Variants in NHSL1 observed in about 807,000 individuals in gnomAD.
The protein encoded by NHSL1 is NHS like 1, also known as NHS-like protein 1.
Under a neutral mutation model 95.0 loss-of-function variants are expected in NHSL1, and 48 were observed. The ratio of observed to expected loss-of-function variants is 0.51; its 90% CI spans 0.40 to 0.64. The LOEUF (loss-of-function observed/expected upper bound fraction) is 0.64. Among genes scored for constraint, NHSL1 ranks in the 30% least tolerant of loss-of-function variants. NHSL1 has a pLI of 0.00. For synonymous variants in NHSL1, 783 were observed against 833.9 expected (o/e 0.94, Z 1.05); for missense variants, 1,971 against 2,077.7 (o/e 0.95, Z 1.00).
intron 1 of NHSL1, among the ~76,000 whole-genome samples, chr6:138,642,740 G>T (rs755869434): frequency 6.6e-6 from 1 of 152,068 alleles, no homozygotes; most frequent in Non-Finnish European, 1.5e-5. Context: ...CAGTGAAGAG[G>T]GCGAGCAGCA....
chr6:138,463,606 T>C (rs1778144440), intron 3 of NHSL1, among the ~76,000 whole-genome samples: 2 of 151,844 alleles, frequency 1.3e-5, no homozygotes, highest in Admixed American at 6.6e-5. Context: ...ACATGTGCCA[T>C]GGTGGTTTGC....
At position 138,429,778 on chromosome 6, in the gene NHSL1, C is replaced by A. The variant is rs79394175; in HGVS notation, c.4018G>T (p.Gly1340Trp). The A allele has an allele frequency of 1.3e-6, 2 of 1,551,712 alleles. No individual in the cohort carries two copies. The highest frequency in any genetic ancestry group is 1.7e-6 in the Non-Finnish European group (2 of 1,147,014). Residue 1340 changes from glycine to tryptophan, a missense_variant, in exon 7 of 8, where the codon GGG becomes TGG. Coordinates refer to ENST00000343505, the MANE Select transcript of NHSL1 (RefSeq NM_001144060.2). ...CTGGGGGTCATTACCTCATCATTCC[C>A]GTCTTCCTTGAGGAAGTCACAGGCC... ...SEACDFLKED[G>W]NDEVMTPSRP...
intron 1 of NHSL1, among the ~76,000 whole-genome samples, chr6:138,683,819 A>G (rs1424186784): frequency 2.0e-5 from 3 of 152,236 alleles, no homozygotes; most frequent in African/African-American, 7.2e-5. Context: ...CACAGAAATA[A>G]TAATAATATC....
chr6:138,627,818 T>C (rs1227310752), intron 1 of NHSL1, among the ~76,000 whole-genome samples: 2 of 152,012 alleles, frequency 1.3e-5, no homozygotes, highest in African/African-American at 2.4e-5. Context: ...GAGGCAGATG[T>C]TGCAGTGAGC....
Position 138,432,861 on chromosome 6 carries a change from G to A in NHSL1, c.1484C>T (p.Ser495Phe). Residue 495 changes from serine to phenylalanine, a missense_variant, in exon 6 of 8, where the codon TCC becomes TTC. Around this residue, in one of 3 missense-constraint regions of NHSL1, gnomAD observed 1,602 missense variants for 1,654.5 expected, o/e 0.97. Transcript: ENST00000343505. This position sits in a 1 kb window ranked among gnomAD's most constrained non-coding sequence, Gnocchi z 4.4. ...PHSPGEPALL[S>F]LCDSAVPLNA... ...TAGAGGGACGGCTGAGTCACAGAGG[G>A]ACAACAGTGCGGGTTCACCAGGGGA... 6.4e-7 allele frequency: 1 copy of A among 1,551,494 alleles called. No homozygotes were observed. The highest frequency in any genetic ancestry group is 8.7e-7 in the Non-Finnish European group (1 of 1,146,824).
chr6:138,635,011 A>G (rs991663979), intron 1 of NHSL1, among the ~76,000 whole-genome samples: 1 of 152,038 alleles, frequency 6.6e-6, no homozygotes, highest in Non-Finnish European at 1.5e-5. Context: ...ACAACACACC[A>G]AAACCTATGG....
At chr6:138,540,344 A>G (rs1320703009) in intron 1 of NHSL1, among the ~76,000 whole-genome samples, 2 of 152,234 alleles carry the variant, frequency 1.3e-5, no homozygotes, top group African/African-American at 4.8e-5. Context: ...AAGTCTTTCA[A>G]AATGGTGCTC....
intron 3 of NHSL1, among the ~76,000 whole-genome samples, chr6:138,463,704 C>T (rs911565753): frequency 1.3e-5 from 2 of 151,908 alleles, no homozygotes; most frequent in African/African-American, 4.8e-5. Flanking sequence ...GTCCCCACCC[C>T]GCTGACAGGC....
intron 1 of NHSL1, among the ~76,000 whole-genome samples, chr6:138,682,461 G>C (rs954449139): frequency 1.3e-5 from 2 of 152,106 alleles, no homozygotes; most frequent in Non-Finnish European, 2.9e-5. Flanking sequence ...TTAAATTGGC[G>C]ATTTGGAATT....
chr6:138,577,047 A>G (rs1470118063), upstream of NHSL1, among the ~76,000 whole-genome samples: 3 of 152,244 alleles, frequency 2.0e-5, no homozygotes, highest in Admixed American at 2.0e-4. Flanking sequence ...ATGAATTTGG[A>G]AAGATTTATC....
intron 1 of NHSL1, among the ~76,000 whole-genome samples, chr6:138,537,107 A>T (rs1397976261): frequency 6.6e-6 from 1 of 152,230 alleles, no homozygotes; most frequent in African/African-American, 2.4e-5. Flanking sequence ...AAAATAAAAC[A>T]ATTTTATGAA....
intron 1 of NHSL1, among the ~76,000 whole-genome samples, chr6:138,644,962 A>C (rs1032998490): frequency 2.6e-5 from 4 of 152,202 alleles, no homozygotes; most frequent in Admixed American, 1.3e-4. Context: ...AGAGTCAATA[A>C]TTTTGAAACC....
At chr6:138,447,769 TA>T (rs995526170) in intron 3 of NHSL1, among the ~76,000 whole-genome samples, 1 of 150,510 alleles carries the variant, frequency 6.6e-6, no homozygotes, top group African/African-American at 2.4e-5. Context: ...TGAGACTGTC[TA>T]AAAAAAAAAT....
chr6:138,650,783 C>T (rs1406760755), intron 1 of NHSL1: 3 of 543,588 alleles, frequency 5.5e-6, no homozygotes, highest in Admixed American at 1.9e-5. Context: ...TCATATCACC[C>T]TTGTTGGAAA....
Position 138,433,682 on chromosome 6 carries a change from T to G in NHSL1, c.665-2A>C. On this transcript the variant is annotated splice_acceptor_variant, in intron 5 of 7. Coordinates refer to ENST00000343505, the MANE Select transcript of NHSL1 (RefSeq NM_001144060.2). LOFTEE classifies it high-confidence loss of function. ...CATCATCTTGGCCAGTGCCTGATGCTGGAGATAAAGCAGAAAGAGGCTTGT... is the reference window on the plus strand; with the variant it reads ...CATCATCTTGGCCAGTGCCTGATGCGGGAGATAAAGCAGAAAGAGGCTTGT... 6.6e-7 allele frequency: 1 copy of G among 1,522,000 alleles called. No homozygotes were observed. Among genetic ancestry groups the G allele is most frequent in the Non-Finnish European group, 8.9e-7 (1 of 1,126,770 alleles). The allele number at this position is 1,522,000 out of a possible 1,614,324, so 94.3% of individuals were successfully genotyped here.
intron 1 of NHSL1, among the ~76,000 whole-genome samples, chr6:138,657,763 C>T (rs1177402784): frequency 5.9e-5 from 8 of 135,726 alleles, no homozygotes; most frequent in Admixed American, 2.5e-4. Context: ...TGCAGTGAGC[C>T]GAGATCGCGC....
intron 3 of NHSL1, among the ~76,000 whole-genome samples, chr6:138,468,492 C>T (rs1001954788): frequency 2.6e-5 from 4 of 152,134 alleles, no homozygotes; most frequent in African/African-American, 9.7e-5. Flanking sequence ...GTCAGATCAG[C>T]GGCAGCATTA....
chr6:138,454,468 T>C (rs1286642414), intron 3 of NHSL1, among the ~76,000 whole-genome samples: 1 of 152,134 alleles, frequency 6.6e-6, no homozygotes, highest in African/African-American at 2.4e-5. Context: ...AGGAAAGGAC[T>C]GTGGCAAAGG....
chr6:138,581,885 T>A (rs1784062774), intron 1 of NHSL1, among the ~76,000 whole-genome samples: 2 of 144,764 alleles, frequency 1.4e-5, no homozygotes, highest in African/African-American at 2.7e-5. Flanking sequence ...TTTGAGGTTC[T>A]ACTTTTTCTT....
Sources: gnomAD v4.1 joint callset for allele counts (sites outside exome capture counted in the v4.1 genomes callset) on GRCh38, gnomAD v4.1.1 for gene constraint, gnomAD v4.1.1 regional missense constraint, Gnocchi (gnomAD v3.1) non-coding constraint, MANE v1.5 for transcripts, NCBI Gene and HGNC (gene_info 2026-07-23, HGNC 2026-07-21) for gene names.